The following RIMS1 variants were observed in gnomAD, a reference collection of about 807,000 sequenced individuals.
RIMS1 encodes the protein regulating synaptic membrane exocytosis 1.
In RIMS1, 83 loss-of-function variants were observed where a neutral mutation model predicts 214.1. The observed-to-expected ratio is 0.39, with a 90% confidence interval of 0.32 to 0.47. The LOEUF is 0.47. RIMS1 is among the 20% of genes least tolerant of loss of function. The probability of loss-of-function intolerance (pLI) is 0.99; values close to 1 mark genes in which losing one functional copy is unlikely to be tolerated. For synonymous variants in RIMS1, 793 were observed against 786.8 expected, an observed-to-expected ratio of 1.01 and a Z score of -0.13; for missense variants, 2,050 against 2,161.8, an observed-to-expected ratio of 0.95 and a Z score of 1.03.
intron 16 of RIMS1, among the ~76,000 whole-genome samples, chr6:72,254,135 A>G (rs939030688): frequency 2.0e-5 from 3 of 152,166 alleles, no homozygotes; most frequent in African/African-American, 7.2e-5. Context: ...AAGTGCTGGG[A>G]TTACAGGTGT....
chr6:72,232,975 G>C (rs936307163), intron 6 of RIMS1, among the ~76,000 whole-genome samples: 4 of 151,730 alleles, frequency 2.6e-5, no homozygotes, highest in Non-Finnish European at 5.9e-5. Context: ...AAATTTTATT[G>C]AGTTAATCTG....
intron 4 of RIMS1, among the ~76,000 whole-genome samples, chr6:72,135,687 G>A (rs1169461426): frequency 6.6e-6 from 1 of 152,166 alleles, no homozygotes; most frequent in Admixed American, 6.6e-5. Context: ...AATTCACTAG[G>A]ATATTCTACA....
At chr6:71,995,778 G>C (rs765363450) in intron 2 of RIMS1, among the ~76,000 whole-genome samples, 17 of 152,004 alleles carry the variant, frequency 1.1e-4, no homozygotes, top group Admixed American at 9.8e-4. Context: ...GAGCTCTCTG[G>C]TATCTATCTA....
At chr6:71,969,104 C>G (rs1157119650) in intron 2 of RIMS1, 41 bp downstream of exon 2, 2 of 1,562,206 alleles carry the variant, frequency 1.3e-6, no homozygotes, top group South Asian at 1.1e-5. Context: ...AATGTCGTCT[C>G]TTACACAGAT....
chr6:72,245,883 T>C, intron 11 of RIMS1, 22 bp downstream of exon 11: 1 of 1,536,672 alleles, frequency 6.5e-7, no homozygotes, highest in East Asian at 2.3e-5. Context: ...GTTTCTTTGT[T>C]ATTATAAAAG....
chr6:72,092,581 A>G (rs1836589978), intron 2 of RIMS1, among the ~76,000 whole-genome samples: 2 of 152,208 alleles, frequency 1.3e-5, no homozygotes, highest in African/African-American at 4.8e-5. Flanking sequence ...GAAACAAAAA[A>G]GGAATTTCTA....
chr6:72,121,424 G>C lies in RIMS1; in HGVS notation c.471+21438G>C, dbSNP rs773429823. On this transcript the variant is annotated intron_variant, in intron 4 of 33. Transcript: ENST00000521978. ...ATTCTCTTTGAAACAATTGTGAATG[G>C]GAGTTCACTCATGATTTGGCTCTCT... 4.0e-5 allele frequency among the ~76,000 whole-genome samples: 6 copies of C among 151,770 alleles called. 1 individual carries two copies. The highest frequency in any genetic ancestry group is 2.1e-4 in the South Asian group (1 of 4,804).
chr6:72,097,258 T>C (rs1432680283), intron 3 of RIMS1, 96 bp downstream of exon 3: 3 of 1,080,904 alleles, frequency 2.8e-6, no homozygotes, highest in Admixed American at 3.8e-5. Flanking sequence ...AAAGCAGACA[T>C]GTGCATAAAC....
At chr6:72,193,397 G>T (rs1021103515) in intron 6 of RIMS1, among the ~76,000 whole-genome samples, 3 of 152,194 alleles carry the variant, frequency 2.0e-5, no homozygotes, top group Non-Finnish European at 4.4e-5. Context: ...AATAAATTGT[G>T]TGACTATACC....
At chr6:72,365,520 A>G (rs2097967619) in intron 29 of RIMS1, among the ~76,000 whole-genome samples, 1 of 152,232 alleles carries the variant, frequency 6.6e-6, no homozygotes, top group Non-Finnish European at 1.5e-5. Context: ...GTTTAGTTTA[A>G]CTTGTATTGC....
At chr6:72,136,734 C>T (rs1344669594) in intron 4 of RIMS1, among the ~76,000 whole-genome samples, 1 of 152,018 alleles carries the variant, frequency 6.6e-6, no homozygotes, top group Non-Finnish European at 1.5e-5. Flanking sequence ...AACAACATAA[C>T]TCAGTGTATC....
intron 4 of RIMS1, among the ~76,000 whole-genome samples, chr6:72,136,104 A>G (rs1332955982): frequency 1.3e-5 from 2 of 152,204 alleles, no homozygotes; most frequent in Non-Finnish European, 2.9e-5. Context: ...GAACTGGTAA[A>G]TAACAGACAG....
At chr6:72,111,161 T>C (rs1358203460) in intron 4 of RIMS1, among the ~76,000 whole-genome samples, 3 of 152,178 alleles carry the variant, frequency 2.0e-5, no homozygotes, top group Non-Finnish European at 4.4e-5. Flanking sequence ...GCTTAGTTCT[T>C]TGTGTGGTCT....
intron 24 of RIMS1, among the ~76,000 whole-genome samples, chr6:72,287,580 A>C (rs896041312): frequency 6.6e-6 from 1 of 151,704 alleles, no homozygotes; most frequent in African/African-American, 2.4e-5. Context: ...TTTGAATTAA[A>C]CTTTTGCTCT....
rs1025714499 is a variant in RIMS1, at chr6:72,163,214, G to A, written c.472-16361G>A. Among the ~76,000 whole-genome samples, 22 of 139,038 alleles carry A rather than the reference G, an allele frequency of 1.6e-4. 2 individuals are homozygous for A. The highest frequency in any genetic ancestry group is 3.6e-3 in the Middle Eastern group (1 of 280). The allele number at this position is 139,038 out of a possible 152,430, so 91.2% of individuals were successfully genotyped here. A position where few individuals can be genotyped will look rare whatever the true frequency, so the allele number is the denominator to read the frequency against. On this transcript the variant is annotated intron_variant, in intron 4 of 33. Transcript: ENST00000521978. ...CTTCTGCATTCATCACATAGTTCTT[G>A]TGCCATGGTTTTCAGCTCCATCAGG... is the stretch of plus-strand genomic sequence containing the variant.
intron 28 of RIMS1, among the ~76,000 whole-genome samples, chr6:72,328,650 T>A (rs1294136376): frequency 6.6e-6 from 1 of 151,802 alleles, no homozygotes; most frequent in Non-Finnish European, 1.5e-5. Context: ...TAAAAATATT[T>A]TTTTTTAGCA....
At chr6:72,301,235 A>G (rs189684565) in intron 26 of RIMS1, among the ~76,000 whole-genome samples, 1 of 151,704 alleles carries the variant, frequency 6.6e-6, no homozygotes. Flanking sequence ...TACACTTACA[A>G]GTTGAAAGGG....
chr6:72,117,118 C>A (rs1222218258), intron 4 of RIMS1, among the ~76,000 whole-genome samples: 1 of 151,900 alleles, frequency 6.6e-6, no homozygotes, highest in Non-Finnish European at 1.5e-5. Flanking sequence ...TACAAATCTT[C>A]TGAGGTGCTT....
intron 6 of RIMS1, among the ~76,000 whole-genome samples, chr6:72,205,170 T>C (rs987521048): frequency 6.6e-6 from 1 of 152,104 alleles, no homozygotes; most frequent in African/African-American, 2.4e-5. Context: ...ATTCCTACCA[T>C]TAGACATTAA....
Sources: allele counts gnomAD v4.1 joint callset (sites outside exome capture counted in the v4.1 genomes callset), GRCh38; gene constraint gnomAD v4.1.1; transcripts MANE v1.5; gene names NCBI Gene and HGNC (gene_info 2026-07-23, HGNC 2026-07-21).